The following ANKIB1 variants were observed in gnomAD, a reference collection of about 807,000 sequenced individuals.
ANKIB1 encodes the protein ankyrin repeat and IBR domain-containing protein 1.
In ANKIB1, 43 loss-of-function variants were observed where a neutral mutation model predicts 122.1. The ratio of observed to expected loss-of-function variants is 0.35; its 90% CI spans 0.28 to 0.45. The LOEUF is 0.45. Ranked by LOEUF, ANKIB1 falls within the 20% of genes least tolerant of loss-of-function variation. ANKIB1 has a pLI of 1.00. For missense variants in ANKIB1, 992 were observed against 1,329.5 expected (o/e 0.75, Z 3.95); for synonymous variants, 390 against 442.0 (o/e 0.88, Z 1.48).
At chr7:92,297,072 CT>C (rs1350148019) in intron 2 of ANKIB1, among the ~76,000 whole-genome samples, 2 of 152,168 alleles carry the variant, frequency 1.3e-5, no homozygotes, top group Admixed American at 6.5e-5. Context: ...TTATTGAGGG[CT>C]TACTGTTTAA....
intron 2 of ANKIB1, among the ~76,000 whole-genome samples, chr7:92,297,991 C>T (rs1003247827): frequency 1.3e-5 from 2 of 152,130 alleles, no homozygotes; most frequent in African/African-American, 4.8e-5. Context: ...CTCTAATTAC[C>T]TGTCCTTTAA....
At chr7:92,308,556 C>T (rs577178900) in intron 3 of ANKIB1, among the ~76,000 whole-genome samples, 38 of 152,002 alleles carry the variant, frequency 2.5e-4, no homozygotes, top group African/African-American at 7.7e-4. Flanking sequence ...GTTTAATTTG[C>T]GTTAAAGTGC....
intron 1 of ANKIB1, among the ~76,000 whole-genome samples, chr7:92,277,555 A>G (rs1393363748): frequency 6.6e-6 from 1 of 152,178 alleles, no homozygotes; most frequent in Non-Finnish European, 1.5e-5. Context: ...GGCTTCAAGA[A>G]TGCCTAAATA....
chr7:92,320,504 T>C (rs1033708915), intron 4 of ANKIB1, among the ~76,000 whole-genome samples: 1 of 152,206 alleles, frequency 6.6e-6, no homozygotes. Context: ...CTTTATGTCT[T>C]CCCGGTCTCA....
chr7:92,386,386 G>A (rs1192035535), intron 11 of ANKIB1, 123 bp from the exon 12 acceptor site: 2 of 1,074,960 alleles, frequency 1.9e-6, no homozygotes, highest in African/African-American at 3.3e-5. Flanking sequence ...ATGTCTTTGA[G>A]AAGATTTATT....
intron 1 of ANKIB1, among the ~76,000 whole-genome samples, chr7:92,250,285 C>A (rs992106637): frequency 6.6e-6 from 1 of 151,860 alleles, no homozygotes; most frequent in Non-Finnish European, 1.5e-5. Context: ...CCCAGCTACT[C>A]GGGAGGCTGA....
intron 5 of ANKIB1, among the ~76,000 whole-genome samples, chr7:92,336,976 T>G (rs1194285345): frequency 6.6e-6 from 1 of 152,200 alleles, no homozygotes; most frequent in East Asian, 1.9e-4. Flanking sequence ...TCAGTTTCCC[T>G]TATGGTTTTC....
chr7:92,386,763 T>C (rs1804661364), intron 12 of ANKIB1, 120 bp downstream of exon 12: 2 of 964,464 alleles, frequency 2.1e-6, no homozygotes, highest in Non-Finnish European at 1.4e-6. Context: ...TACTTTATTA[T>C]AGCCTTTAAT....
chr7:92,336,728 G>A (rs562023888), intron 5 of ANKIB1, among the ~76,000 whole-genome samples: 40 of 152,050 alleles, frequency 2.6e-4, no homozygotes, highest in African/African-American at 6.8e-4. Context: ...AGTTTCTGTC[G>A]TTGTGCCAAA....
At chr7:92,334,296 A>G (rs1803240288) in intron 5 of ANKIB1, among the ~76,000 whole-genome samples, 3 of 152,120 alleles carry the variant, frequency 2.0e-5, no homozygotes, top group Non-Finnish European at 2.9e-5. Flanking sequence ...ATTATCCTGT[A>G]CTTTGCTCAG....
At chr7:92,285,356 A>AT (rs542947769) in intron 1 of ANKIB1, among the ~76,000 whole-genome samples, 179 of 152,282 alleles carry the variant, frequency 1.2e-3, no homozygotes, top group African/African-American at 4.1e-3. Context: ...TAGTCCTATG[A>AT]TTTTTTAAAT....
At chr7:92,346,274 G>A (rs367761080) in intron 7 of ANKIB1, among the ~76,000 whole-genome samples, 2 of 151,970 alleles carry the variant, frequency 1.3e-5, no homozygotes, top group African/African-American at 4.8e-5. Flanking sequence ...GGGACTATAG[G>A]CACACACCAC....
chr7:92,338,326 G>A (rs557385694), intron 5 of ANKIB1, among the ~76,000 whole-genome samples: 69 of 151,952 alleles, frequency 4.5e-4, no homozygotes, highest in African/African-American at 1.6e-3. Flanking sequence ...GCTGAGGTAG[G>A]AGGATCACTT....
intron 11 of ANKIB1, among the ~76,000 whole-genome samples, chr7:92,379,926 C>A (rs1222151637): frequency 6.6e-6 from 1 of 152,050 alleles, no homozygotes; most frequent in African/African-American, 2.4e-5. Context: ...AAGGGCAAGC[C>A]GAAGCAGGGC....
chr7:92,385,239 T>C (rs1050726491), intron 11 of ANKIB1, among the ~76,000 whole-genome samples: 1 of 152,212 alleles, frequency 6.6e-6, no homozygotes, highest in Non-Finnish European at 1.5e-5. Flanking sequence ...AACAGGTTGC[T>C]GGAGAGGATG....
intron 1 of ANKIB1, among the ~76,000 whole-genome samples, chr7:92,275,032 A>G (rs1801873264): frequency 6.6e-6 from 1 of 152,184 alleles, no homozygotes; most frequent in African/African-American, 2.4e-5. Context: ...AACAAAAAGT[A>G]GGCTGCTTTT....
chr7:92,352,346 C>A, intron 8 of ANKIB1, 130 bp from the exon 9 acceptor site: 1 of 950,166 alleles, frequency 1.1e-6, no homozygotes, highest in Non-Finnish European at 1.5e-6. Context: ...TTGAGACTGA[C>A]AACTCCATGC....
chr7:92,307,621 T>G lies in ANKIB1; in HGVS notation c.451T>G (p.Tyr151Asp), dbSNP rs2131935558. 1 of 1,606,678 alleles carries G rather than the reference T, an allele frequency of 6.2e-7. No individual in the cohort carries two copies. The highest frequency in any genetic ancestry group is 1.7e-4 in the Middle Eastern group (1 of 6,030). The change falls in exon 3 of 20, where the codon TAT (tyrosine) becomes GAT (aspartate). Residue 151 changes from tyrosine to aspartate, a missense_variant. Tyr to Asp is a radical substitution (Grantham distance 160). Coordinates refer to ENST00000265742, the MANE Select transcript of ANKIB1 (RefSeq NM_019004.2). Reference sequence around the variant, plus strand: ...TAACAAAAAAAACACACCCTTGCACTATGCTGCTGCCTCAGGGATGAAAGC... The same window carrying G: ...TAACAAAAAAAACACACCCTTGCACGATGCTGCTGCCTCAGGGATGAAAGC... ...VDNKKNTPLH[Y>D]AAASGMKACV...
At chr7:92,250,397 A>G (rs890911677) in intron 1 of ANKIB1, among the ~76,000 whole-genome samples, 1 of 152,228 alleles carries the variant, frequency 6.6e-6, no homozygotes, top group Non-Finnish European at 1.5e-5. Flanking sequence ...CCGCCTAAAA[A>G]TAAATAAATC....
Sources: gnomAD v4.1 joint callset for allele counts (sites outside exome capture counted in the v4.1 genomes callset) on GRCh38, gnomAD v4.1.1 for gene constraint, MANE v1.5 for transcripts, NCBI Gene and HGNC (gene_info 2026-07-23, HGNC 2026-07-21) for gene names.